The following TRPC3 variants were observed in gnomAD, a reference collection of about 807,000 sequenced individuals.
TRPC3 encodes short transient receptor potential channel 3.
A neutral mutation model predicts 90.9 loss-of-function variants in TRPC3; 54 were observed. That is an observed-to-expected ratio of 0.59 (90% CI 0.48 to 0.75). The LOEUF (loss-of-function observed/expected upper bound fraction) is 0.75. TRPC3 is among the 30% of genes least tolerant of loss of function. The pLI is 0.00. For missense variants in TRPC3, 918 were observed against 1,194.5 expected, an observed-to-expected ratio of 0.77 and a Z score of 3.41; for synonymous variants, 424 against 450.9, an observed-to-expected ratio of 0.94 and a Z score of 0.75.
intron 10 of TRPC3, among the ~76,000 whole-genome samples, chr4:121,892,361 C>G (rs1014047842): frequency 6.6e-6 from 1 of 152,146 alleles, no homozygotes; most frequent in African/African-American, 2.4e-5. Context: ...GTGGTTTGTG[C>G]AACTTTACAG....
chr4:121,884,004 A>G (rs1728027520), intron 10 of TRPC3, among the ~76,000 whole-genome samples: 2 of 151,422 alleles, frequency 1.3e-5, no homozygotes, highest in Admixed American at 1.3e-4. Flanking sequence ...CCCTGTCTGA[A>G]ATTGCAAAAC....
Position 121,932,120 on chromosome 4 carries a change from A to C in TRPC3, c.987+151T>G, listed in dbSNP as rs1338069065. On this transcript the variant is annotated intron_variant, in intron 2 of 11. Coordinates refer to ENST00000379645, the MANE Select transcript of TRPC3 (RefSeq NM_001130698.2). This position sits in a 1 kb window ranked among gnomAD's most constrained non-coding sequence, Gnocchi z 7.7. Reference sequence around the variant, plus strand: ...CATTGAGAGGGAGAAAGAAAACATTAGATGAGGTCTGAATGACGTTCTCAG... The same window carrying C: ...CATTGAGAGGGAGAAAGAAAACATTCGATGAGGTCTGAATGACGTTCTCAG... 3 of 1,230,714 alleles carry C rather than the reference A, an allele frequency of 2.4e-6. No individual in the cohort carries two copies. In the African/African-American group the frequency reaches 4.6e-5, roughly 19 times the overall value. 76.2% of individuals were successfully genotyped at this position (1,230,714 alleles called of 1,614,324 possible). A position where few individuals can be genotyped will look rare whatever the true frequency, so the allele number is the denominator to read the frequency against.
intron 3 of TRPC3, 128 bp from the exon 4 acceptor site, chr4:121,915,072 A>C (rs570162081): frequency 8.9e-4 from 685 of 770,626 alleles, no homozygotes; most frequent in Admixed American, 1.6e-3. Context: ...GCATATTGGT[A>C]CTGGAAGGTT....
At chr4:121,899,536 G>T in intron 10 of TRPC3, 76 bp downstream of exon 10, 2 of 1,231,600 alleles carry the variant, frequency 1.6e-6, no homozygotes, top group South Asian at 1.3e-5. Context: ...CTCAACTCAT[G>T]ACACACACAC....
Position 121,932,194 on chromosome 4 carries a change from G to A in TRPC3, c.987+77C>T, listed in dbSNP as rs2149141962. On this transcript the variant is annotated intron_variant, in intron 2 of 11. Transcript: ENST00000379645. This position sits in a 1 kb window ranked among gnomAD's most constrained non-coding sequence, Gnocchi z 7.7. ...GGGCAAAACCGAATGTGGAGCGAAC[G>A]GTGGCAGAGCAGGCCAGGCAGCAGC... The A allele has an allele frequency of 1.9e-6, 3 of 1,559,744 alleles. No homozygotes were observed. Among genetic ancestry groups the A allele is most frequent in the African/African-American group, 1.4e-5 (1 of 73,970 alleles).
chr4:121,901,013 T>C (rs1246884962), intron 9 of TRPC3, among the ~76,000 whole-genome samples: 1 of 152,164 alleles, frequency 6.6e-6, no homozygotes, highest in Non-Finnish European at 1.5e-5. Flanking sequence ...TACAGTGGTC[T>C]AGGTAGCCAC....
chr4:121,945,800 C>T (rs969768887), intron 1 of TRPC3, among the ~76,000 whole-genome samples: 1 of 152,068 alleles, frequency 6.6e-6, no homozygotes, highest in South Asian at 2.1e-4. Context: ...GAACTAGGAA[C>T]AGGGGGACTC....
rs144825366 is a variant in TRPC3, at chr4:121,875,849, T to C, written c.*3887A>G. 2.9e-3 allele frequency among the ~76,000 whole-genome samples: 428 copies of C among 149,542 alleles called. 4 individuals carry two copies. Among genetic ancestry groups the C allele is most frequent in the African/African-American group, 9.1e-3 (371 of 40,826 alleles). ...GGTATAAATTTAGAAATTCTCAAACTCTTTTTTAAACTGAACAAAGTTATA... is the reference window on the plus strand; with the variant it reads ...GGTATAAATTTAGAAATTCTCAAACCCTTTTTTAAACTGAACAAAGTTATA... On this transcript the variant is annotated 3_prime_UTR_variant, in exon 12 of 12. Coordinates refer to ENST00000379645, the MANE Select transcript of TRPC3 (RefSeq NM_001130698.2).
At chr4:121,919,787 C>T (rs1442597522) in intron 3 of TRPC3, among the ~76,000 whole-genome samples, 4 of 152,200 alleles carry the variant, frequency 2.6e-5, no homozygotes, top group African/African-American at 7.2e-5. Flanking sequence ...AATAGGAGAG[C>T]AGAAACGAAG....
chr4:121,877,778 C>CAAA lies in TRPC3; in HGVS notation c.*1955_*1957dup, dbSNP rs199924407. Among the ~76,000 whole-genome samples the CAAA allele has an allele frequency of 8.4e-6, 1 of 119,676 alleles. No homozygotes were observed. The allele number at this position is 119,676 out of a possible 152,430, so 78.5% of individuals were successfully genotyped here. A position where few individuals can be genotyped will look rare whatever the true frequency, so the allele number is the denominator to read the frequency against. On this transcript the variant is annotated 3_prime_UTR_variant, in exon 12 of 12. Transcript: ENST00000379645. ...GCTCTACAGTTGTGAGGGGCATGGA[C>CAAA]AAAAAAAAAAAAAAAAAAAAGTCAG...
chr4:121,901,033 GC>G (rs1312698773), intron 9 of TRPC3, among the ~76,000 whole-genome samples: 1 of 152,158 alleles, frequency 6.6e-6, no homozygotes, highest in Non-Finnish European at 1.5e-5. Context: ...CAAGCCTACT[GC>G]GTGTGCTCTT....
chr4:121,888,401 G>GA (rs1233936391), intron 10 of TRPC3, among the ~76,000 whole-genome samples: 2 of 151,986 alleles, frequency 1.3e-5, no homozygotes, highest in Non-Finnish European at 2.9e-5. Flanking sequence ...TCAGTAACTA[G>GA]AAAAAAATGA....
chr4:121,917,781 G>A (rs893898435), intron 3 of TRPC3, among the ~76,000 whole-genome samples: 1 of 152,180 alleles, frequency 6.6e-6, no homozygotes, highest in Non-Finnish European at 1.5e-5. Flanking sequence ...GCTAAGCTTA[G>A]GACAGATAAT....
chr4:121,947,555 G>A (rs979706314), intron 1 of TRPC3, among the ~76,000 whole-genome samples: 1 of 152,182 alleles, frequency 6.6e-6, no homozygotes, highest in Non-Finnish European at 1.5e-5. Flanking sequence ...TCATATAAAG[G>A]TGAGTATCAG....
Position 121,924,009 on chromosome 4 carries a change from C to T in TRPC3, c.1176+1009G>A, listed in dbSNP as rs558070482. 2.6e-5 allele frequency among the ~76,000 whole-genome samples: 4 copies of T among 152,224 alleles called. No homozygotes were observed. In the East Asian group the frequency reaches 7.7e-4, roughly 29 times the overall value. The stretch of plus-strand genomic sequence containing the variant: ...ACAATTTTTGTGAATTATTTAAAAG[C>T]CCCATACAAGTTAGCAAATAGATAC... On this transcript the variant is annotated intron_variant, in intron 3 of 11. Transcript: ENST00000379645.
intron 1 of TRPC3, among the ~76,000 whole-genome samples, chr4:121,949,178 T>C (rs1454922161): frequency 1.3e-5 from 2 of 152,240 alleles, no homozygotes; most frequent in Non-Finnish European, 2.9e-5. Flanking sequence ...TACTTGGTCC[T>C]AGGTTTGCAA....
intron 3 of TRPC3, among the ~76,000 whole-genome samples, chr4:121,923,826 C>G (rs964741426): frequency 6.6e-6 from 1 of 152,134 alleles, no homozygotes; most frequent in Non-Finnish European, 1.5e-5. Flanking sequence ...ACACTTGGCT[C>G]TTTGTAAATT....
In TRPC3 at chr4:121,923,860, T is replaced by A. The variant is rs146124485; in HGVS notation, c.1176+1158A>T. Among the ~76,000 whole-genome samples, 202 of 152,340 alleles carry A rather than the reference T, an allele frequency of 1.3e-3. 1 individual carries two copies. Among genetic ancestry groups the A allele is most frequent in the African/African-American group, 4.7e-3 (195 of 41,586 alleles). ...TTGACCAACTTCATAAAACCAGAGC[T>A]GATAACAGTTTATTTCTTTGTGATT... On this transcript the variant is annotated intron_variant, in intron 3 of 11. Transcript: ENST00000379645.
chr4:121,908,876 A>G (rs1264796467), intron 6 of TRPC3, among the ~76,000 whole-genome samples: 2 of 152,134 alleles, frequency 1.3e-5, no homozygotes, highest in African/African-American at 2.4e-5. Flanking sequence ...AAAAAAGTTT[A>G]AAAAATTAAC....
Sources: allele counts gnomAD v4.1 joint callset (sites outside exome capture counted in the v4.1 genomes callset), GRCh38; gene constraint gnomAD v4.1.1; non-coding constraint Gnocchi (gnomAD v3.1); transcripts MANE v1.5; gene names NCBI Gene and HGNC (gene_info 2026-07-23, HGNC 2026-07-21).